TCEA1: variants seen among roughly 807,000 people sequenced by gnomAD.
TCEA1 encodes transcription elongation factor A1.
TCEA1 carries 21 observed loss-of-function variants against 43.8 expected under a neutral mutation model. That is an observed-to-expected ratio of 0.48 (90% CI 0.34 to 0.69). The LOEUF is 0.69. TCEA1 is among the 30% of genes least tolerant of loss of function. The pLI, the probability that TCEA1 is intolerant of heterozygous loss-of-function variation, is 0.01. For synonymous variants in TCEA1, 104 were observed against 117.5 expected, an observed-to-expected ratio of 0.88 and a Z score of 0.75; for missense variants, 250 against 365.1, an observed-to-expected ratio of 0.68 and a Z score of 2.57.
chr8:54,012,494 G>A (rs1804682275), intron 1 of TCEA1, among the ~76,000 whole-genome samples: 1 of 152,238 alleles, frequency 6.6e-6, no homozygotes, highest in Non-Finnish European at 1.5e-5. Flanking sequence ...AGGAAGTGGA[G>A]GTTGCAGTGA....
Position 53,979,190 on chromosome 8 carries a change from TACCACTCAGTTATA to T in TCEA1, c.679-33_679-20del, listed in dbSNP as rs749357075. 6.2e-7 allele frequency: 1 copy of T among 1,609,078 alleles called. No individual in the cohort carries two copies. The highest frequency in any genetic ancestry group is 8.5e-7 in the Non-Finnish European group (1 of 1,176,188). On this transcript the variant is annotated intron_variant, in intron 7 of 9. Transcript: ENST00000521604. ...CCATTTCCTATGAGGTAGGGGGCAA[TACCACTCAGTTATA>T]GACACCTTCTATATATATCCTGAAT...
chr8:53,972,662 A>AAGGAACAC lies in TCEA1; in HGVS notation c.826-2200_826-2199insGTGTTCCT. ...GGGTGAAGGAAGAGCAAGTTTGAGG[A>AAGGAACAC]TCAGTAGAGCTATTAAGTGTTCCTG... On this transcript the variant is annotated intron_variant, in intron 8 of 9. Coordinates refer to ENST00000521604, the MANE Select transcript of TCEA1 (RefSeq NM_006756.4). 4.8e-6 allele frequency: 3 copies of AAGGAACAC among 622,794 alleles called. No individual in the cohort carries two copies. In the East Asian group the frequency reaches 1.0e-4, roughly 21 times the overall value. The allele number at this position is 622,794 out of a possible 1,614,324, so 38.6% of individuals were successfully genotyped here.
Position 53,967,907 on chromosome 8 carries a change from A to G in TCEA1, c.*197T>C, listed in dbSNP as rs1803036776. The G allele has an allele frequency of 2.3e-6, 1 of 436,186 alleles. No individual in the cohort carries two copies. The highest frequency in any genetic ancestry group is 4.2e-6 in the Non-Finnish European group (1 of 236,184). The allele number at this position is 436,186 out of a possible 1,614,324, so 27.0% of individuals were successfully genotyped here. A position where few individuals can be genotyped will look rare whatever the true frequency, so the allele number is the denominator to read the frequency against. ...AAATATGTTTTGAAACAGGTACCAT[A>G]AAATTATTATATGGTCTCCCTACTG... On this transcript the variant is annotated 3_prime_UTR_variant, in exon 10 of 10. Coordinates refer to ENST00000521604, the MANE Select transcript of TCEA1 (RefSeq NM_006756.4).
rs144176316 is a variant in TCEA1 at position 53,993,705 on chromosome 8, T to C, written c.283A>G (p.Ile95Val). 1.6e-4 allele frequency: 265 copies of C among 1,613,904 alleles called. No individual in the cohort carries two copies. Among genetic ancestry groups the C allele is most frequent in the African/African-American group, 4.3e-4 (32 of 75,058 alleles). ...DLDEKKKEPA[I>V]TSQNSPEARE... is the part of the protein sequence containing the mutation. ...GCCTCAGGGCTGTTCTGCGATGTAA[T>C]TGCAGGTTCTTTCTTCTTTTCGTCA... Residue 95 changes from isoleucine to valine, a missense_variant, in exon 4 of 10, where the codon ATT (isoleucine) becomes GTT (valine). Around this residue, in one of 4 missense-constraint regions of TCEA1, gnomAD observed 147 missense variants for 160.3 expected, o/e 0.92. Coordinates refer to ENST00000521604, the MANE Select transcript of TCEA1 (RefSeq NM_006756.4).
In TCEA1 at chr8:53,988,226, A is replaced by G; in HGVS notation, c.354T>C (p.Asp118=). ...CATAAGTATCTCGAGCATTTGTCTC[A>G]TCCTTTCTGTTGCTTACATTGCCGC... ...TSSGNVSNRK[D]ETNARDTYVS... is the part of the protein sequence containing the mutation. Residue 118 remains aspartate, a synonymous_variant, in exon 5 of 10, where the codon GAT becomes GAC. Transcript: ENST00000521604. The G allele has an allele frequency of 6.2e-7, 1 of 1,612,722 alleles. No individual in the cohort carries two copies. Among genetic ancestry groups the G allele is most frequent in the Non-Finnish European group, 8.5e-7 (1 of 1,178,916 alleles).
chr8:53,979,311 C>T, intron 7 of TCEA1, 140 bp from the exon 8 acceptor site: 1 of 978,168 alleles, frequency 1.0e-6, no homozygotes, highest in African/African-American at 1.6e-5. Flanking sequence ...TAATATTTTT[C>T]CTCAAAGGCT....
At chr8:54,019,913 T>C (rs781135834) in intron 1 of TCEA1, among the ~76,000 whole-genome samples, 1 of 152,206 alleles carries the variant, frequency 6.6e-6, no homozygotes, top group East Asian at 1.9e-4. Context: ...TGGAAAAGTT[T>C]TGAACTACCT....
chr8:54,010,799 C>G (rs1055946266), intron 1 of TCEA1, among the ~76,000 whole-genome samples: 1 of 151,568 alleles, frequency 6.6e-6, no homozygotes, highest in Non-Finnish European at 1.5e-5. Flanking sequence ...AGCTATGATA[C>G]AGTGTTTTAT....
chr8:54,005,539 C>T (rs986450196), intron 2 of TCEA1, among the ~76,000 whole-genome samples: 13 of 141,042 alleles, frequency 9.2e-5, no homozygotes, highest in African/African-American at 2.5e-5. Flanking sequence ...CACCTTCATA[C>T]TACCTTTCTT....
At chr8:54,011,037 A>G (rs1331555061) in intron 1 of TCEA1, among the ~76,000 whole-genome samples, 1 of 152,186 alleles carries the variant, frequency 6.6e-6, no homozygotes, top group Non-Finnish European at 1.5e-5. Context: ...TTCTGATCTC[A>G]GGTGATCTGC....
Position 54,000,017 on chromosome 8 carries a change from G to A in TCEA1, c.160C>T (p.Arg54Cys), listed in dbSNP as rs1258249801. ...TRIGMSVNAI[R>C]KQSTDEEVTS... ...ACTTCCTCATCTGTACTCTGCTTGC[G>A]AATAGCATTAACTGACATTCCGATT... The change falls in exon 3 of 10, where the codon CGC becomes TGC. Residue 54 changes from arginine to cysteine, a missense_variant. Around this residue, in one of 4 missense-constraint regions of TCEA1, gnomAD observed 27 missense variants for 63.1 expected, o/e 0.43. Transcript: ENST00000521604. 2.5e-6 allele frequency: 4 copies of A among 1,598,408 alleles called. No homozygotes were observed. The highest frequency in any genetic ancestry group is 1.3e-5 in the African/African-American group (1 of 74,836).
At chr8:53,973,299 C>A in intron 8 of TCEA1, 3 of 515,600 alleles carry the variant, frequency 5.8e-6, no homozygotes, top group South Asian at 5.1e-5. Context: ...AAAGAAAGTG[C>A]AAAGAGATGG....
intron 2 of TCEA1, among the ~76,000 whole-genome samples, chr8:54,004,705 A>G (rs1271384649): frequency 1.3e-5 from 2 of 152,194 alleles, no homozygotes; most frequent in Non-Finnish European, 1.5e-5. Flanking sequence ...GTACCAGAAC[A>G]TACTAAAAAA....
chr8:53,988,613 G>C (rs941779742), intron 4 of TCEA1, among the ~76,000 whole-genome samples: 1 of 152,130 alleles, frequency 6.6e-6, no homozygotes, highest in East Asian at 1.9e-4. Flanking sequence ...GATGGGACCA[G>C]AGAATGACAG....
chr8:53,996,970 G>A (rs1804076477), intron 3 of TCEA1, among the ~76,000 whole-genome samples: 1 of 146,958 alleles, frequency 6.8e-6, no homozygotes, highest in South Asian at 2.3e-4. Context: ...CGCGATCTCG[G>A]CTCAGTGCAA....
intron 2 of TCEA1, among the ~76,000 whole-genome samples, chr8:54,001,369 C>T (rs1437482614): frequency 2.6e-5 from 4 of 152,106 alleles, no homozygotes; most frequent in Admixed American, 6.6e-5. Flanking sequence ...TCAATCCTCT[C>T]AACAAACAGA....
intron 8 of TCEA1, chr8:53,978,780 TGTTA>T: frequency 2.6e-6 from 1 of 382,458 alleles, no homozygotes; most frequent in South Asian, 6.5e-5. Context: ...AAGTTATTAT[TGTTA>T]ATCTCTTCCT....
chr8:53,993,792 GTAAAAAC>G (rs1316558772), intron 3 of TCEA1, 37 bp from the exon 4 acceptor site: 5 of 1,563,482 alleles, frequency 3.2e-6, no homozygotes, highest in Non-Finnish European at 4.4e-6. Context: ...GCTAGCATTT[GTAAAAAC>G]TAAAAACTAA....
Position 53,967,352 on chromosome 8 carries a change from C to G in TCEA1, c.*752G>C. 5.0e-6 allele frequency: 1 copy of G among 199,624 alleles called. No homozygotes were observed. Among genetic ancestry groups the G allele is most frequent in the Non-Finnish European group, 1.0e-5 (1 of 96,638 alleles). The allele number at this position is 199,624 out of a possible 1,614,324, so 12.4% of individuals were successfully genotyped here. On this transcript the variant is annotated 3_prime_UTR_variant, in exon 10 of 10. Transcript: ENST00000521604. ...TATGAGGGGATTTATGAAAAGCCTT[C>G]TAAACTACAACAGTGTTCTTCTGCA...
Sources: gnomAD v4.1 joint callset for allele counts (sites outside exome capture counted in the v4.1 genomes callset) on GRCh38, gnomAD v4.1.1 for gene constraint, gnomAD v4.1.1 regional missense constraint, MANE v1.5 for transcripts, NCBI Gene and HGNC (gene_info 2026-07-23, HGNC 2026-07-21) for gene names.